The following GPC6 variants were observed in gnomAD, a reference collection of about 807,000 sequenced individuals.
GPC6 encodes glypican 6, also known as glypican-6.
In GPC6, 14 loss-of-function variants were observed where a neutral mutation model predicts 55.2. The observed-to-expected ratio is 0.25, with a 90% CI of 0.17 to 0.40. The LOEUF is 0.40. GPC6 is among the 10% of genes least tolerant of loss of function. The probability of loss-of-function intolerance (pLI) is 1.00; values close to 1 mark genes in which losing one functional copy is unlikely to be tolerated. For missense variants in GPC6, 641 were observed against 708.5 expected, an observed-to-expected ratio of 0.90 and a Z score of 1.08; for synonymous variants, 278 against 259.6, an observed-to-expected ratio of 1.07 and a Z score of -0.68.
chr13:93,361,448 T>G (rs1594118629), intron 1 of GPC6, among the ~76,000 whole-genome samples: 1 of 152,258 alleles, frequency 6.6e-6, no homozygotes, highest in East Asian at 1.9e-4. Flanking sequence ...CATAAAAACT[T>G]TCTTATCCAG....
chr13:93,773,929 C>T (rs1885380993), intron 2 of GPC6, among the ~76,000 whole-genome samples: 1 of 152,150 alleles, frequency 6.6e-6, no homozygotes, highest in Non-Finnish European at 1.5e-5. Flanking sequence ...GCCCAATAGA[C>T]ATCATTTTGC....
At chr13:94,202,581 C>G (rs1889787026) in intron 4 of GPC6, among the ~76,000 whole-genome samples, 1 of 152,216 alleles carries the variant, frequency 6.6e-6, no homozygotes, top group Non-Finnish European at 1.5e-5. Context: ...CACCGGGTCC[C>G]TCCCACAACA....
intron 1 of GPC6, among the ~76,000 whole-genome samples, chr13:93,366,776 T>A (rs1024687851): frequency 5.1e-4 from 77 of 152,082 alleles, no homozygotes; most frequent in African/African-American, 1.8e-3. Flanking sequence ...TATTTATACA[T>A]AAGCCAGATT....
intron 1 of GPC6, among the ~76,000 whole-genome samples, chr13:93,350,920 G>GTC (rs1318328113): frequency 6.6e-6 from 1 of 152,006 alleles, no homozygotes; most frequent in Non-Finnish European, 1.5e-5. Flanking sequence ...ATGACAAAGA[G>GTC]TCACACACAC....
chr13:93,965,231 G>A (rs1186881894), intron 3 of GPC6, among the ~76,000 whole-genome samples: 2 of 148,010 alleles, frequency 1.4e-5, no homozygotes, highest in South Asian at 2.2e-4. Flanking sequence ...CTAACACGGT[G>A]AAACCCCCTC....
At chr13:93,686,136 A>C (rs139336908) in intron 2 of GPC6, among the ~76,000 whole-genome samples, 156 of 152,268 alleles carry the variant, frequency 1.0e-3, no homozygotes, top group African/African-American at 3.5e-3. Flanking sequence ...CTATATGAGT[A>C]CAAATCTTTA....
intron 4 of GPC6, among the ~76,000 whole-genome samples, chr13:94,156,921 G>A (rs939792760): frequency 6.6e-6 from 1 of 152,144 alleles, no homozygotes; most frequent in African/African-American, 2.4e-5. Flanking sequence ...CCTCAGATTG[G>A]CGAGGTTTCT....
intron 2 of GPC6, among the ~76,000 whole-genome samples, chr13:93,780,156 G>T (rs1044741815): frequency 3.0e-4 from 45 of 152,048 alleles, no homozygotes; most frequent in African/African-American, 1.1e-3. Flanking sequence ...ATGGATTCAA[G>T]ACCCGACAAT....
chr13:94,070,247 A>G (rs1419792802), intron 4 of GPC6, among the ~76,000 whole-genome samples: 4 of 152,150 alleles, frequency 2.6e-5, no homozygotes, highest in Non-Finnish European at 5.9e-5. Context: ...CTTATTCACT[A>G]TCATGAGAAC....
At chr13:94,248,778 C>T (rs141551520) in intron 4 of GPC6, among the ~76,000 whole-genome samples, 10 of 152,170 alleles carry the variant, frequency 6.6e-5, no homozygotes, top group Admixed American at 1.3e-4. Context: ...TAGAAACTAG[C>T]ACCTCAGGAC....
chr13:94,206,391 G>A (rs1018207021), intron 4 of GPC6, among the ~76,000 whole-genome samples: 6 of 152,002 alleles, frequency 3.9e-5, no homozygotes, highest in African/African-American at 4.8e-5. Flanking sequence ...ATTTAATAAC[G>A]GGAGTCTCAG....
At chr13:93,448,846 C>A (rs973155226) in intron 1 of GPC6, among the ~76,000 whole-genome samples, 10 of 152,264 alleles carry the variant, frequency 6.6e-5, no homozygotes, top group African/African-American at 2.4e-4. Context: ...TGCTTTCAAA[C>A]TTCCAGATAC....
At position 93,977,690 on chromosome 13, in the gene GPC6, A is replaced by G. The variant is rs574417899; in HGVS notation, c.712-50039A>G. 5.6e-4 allele frequency among the ~76,000 whole-genome samples: 85 copies of G among 152,260 alleles called. 1 individual carries two copies. The highest frequency in any genetic ancestry group is 3.4e-3 in the Middle Eastern group (1 of 294). On this transcript the variant is annotated intron_variant, in intron 3 of 8. Transcript: ENST00000377047. ...GGAAGGGAAATTCATGGCTAGACAT[A>G]TGCACATCCTTACTGCCTTCTGCTT...
intron 4 of GPC6, among the ~76,000 whole-genome samples, chr13:94,266,532 C>T (rs574409681): frequency 6.6e-6 from 1 of 151,938 alleles, no homozygotes; most frequent in Non-Finnish European, 1.5e-5. Flanking sequence ...TCTTCCCCAC[C>T]CTTCCCCACC....
chr13:93,228,404 C>T (rs1413832332), intron 1 of GPC6, among the ~76,000 whole-genome samples: 1 of 152,198 alleles, frequency 6.6e-6, no homozygotes, highest in African/African-American at 2.4e-5. Context: ...GGTGGCTCAG[C>T]TGGGGATTCG....
At chr13:93,246,038 T>C (rs1305997565) in intron 1 of GPC6, among the ~76,000 whole-genome samples, 1 of 152,146 alleles carries the variant, frequency 6.6e-6, no homozygotes, top group East Asian at 1.9e-4. Flanking sequence ...CTATGACTCT[T>C]AATTAATTTT....
intron 4 of GPC6, among the ~76,000 whole-genome samples, chr13:94,266,401 C>T (rs9524389): frequency 0.65 from 98,909 of 151,494 alleles, 32,930 homozygotes; most frequent in African/African-American, 0.79. Flanking sequence ...ATCTCCTGAC[C>T]TCGTGATCCG....
chr13:93,854,047 C>G lies in GPC6; in HGVS notation c.711+23502C>G, dbSNP rs186916325. On this transcript the variant is annotated intron_variant, in intron 3 of 8. Transcript: ENST00000377047. ...CACGTCGTGGATCTGATTACAACCA[C>G]AAAACAAAGAAAATAAAGAGGAAAT... is the stretch of plus-strand genomic sequence containing the variant. Among the ~76,000 whole-genome samples the G allele has an allele frequency of 3.2e-3, 486 of 151,706 alleles. 2 individuals carry two copies. The highest frequency in any genetic ancestry group is 9.9e-3 in the African/African-American group (412 of 41,466).
intron 2 of GPC6, among the ~76,000 whole-genome samples, chr13:93,788,035 A>G (rs1278416668): frequency 6.6e-6 from 1 of 152,240 alleles, no homozygotes; most frequent in African/African-American, 2.4e-5. Flanking sequence ...CATTCTAGTA[A>G]GTAACAATGG....
Sources: gnomAD v4.1 joint callset for allele counts (sites outside exome capture counted in the v4.1 genomes callset) on GRCh38, gnomAD v4.1.1 for gene constraint, MANE v1.5 for transcripts, NCBI Gene and HGNC (gene_info 2026-07-23, HGNC 2026-07-21) for gene names.